ARNT2: variants seen among roughly 807,000 people sequenced by gnomAD.
ARNT2 encodes aryl hydrocarbon receptor nuclear translocator 2.
In ARNT2, 36 loss-of-function variants were observed where a neutral mutation model predicts 91.7. That is an observed-to-expected ratio of 0.39 (90% confidence interval 0.30 to 0.52). The LOEUF is 0.52. Ranked by LOEUF, ARNT2 falls within the 20% of genes least tolerant of loss-of-function variation. The pLI is 0.72. For missense variants in ARNT2, 775 were observed against 939.3 expected, an observed-to-expected ratio of 0.83 and a Z score of 2.29; for synonymous variants, 365 against 347.1, an observed-to-expected ratio of 1.05 and a Z score of -0.57.
chr15:80,432,413 T>C lies in ARNT2; in HGVS notation c.32-18467T>C, dbSNP rs577919324. Among the ~76,000 whole-genome samples the C allele has an allele frequency of 2.6e-5, 4 of 152,274 alleles. No homozygotes were observed. In the South Asian group the frequency reaches 8.3e-4, roughly 32 times the overall value. On this transcript the variant is annotated intron_variant, in intron 1 of 18. Transcript: ENST00000303329. ...GAGAATAATTTTTACATTTTTAAAT[T>C]GATGGAAAAAAAACACCAAAAGAAT...
chr15:80,593,437 T>C (rs1006960756), intron 18 of ARNT2, among the ~76,000 whole-genome samples, 163 bp from the exon 19 acceptor site: 1 of 152,202 alleles, frequency 6.6e-6, no homozygotes, highest in African/African-American at 2.4e-5. Flanking sequence ...CTCAGACATT[T>C]GAGGACCCTT....
At chr15:80,419,094 C>T (rs1895826088) in intron 1 of ARNT2, among the ~76,000 whole-genome samples, 2 of 152,096 alleles carry the variant, frequency 1.3e-5, no homozygotes, top group South Asian at 4.2e-4. Context: ...GTCTGTCTGC[C>T]ACTAGATGGC....
At chr15:80,433,233 ATTTAT>A (rs1321371343) in intron 1 of ARNT2, among the ~76,000 whole-genome samples, 7,824 of 94,926 alleles carry the variant, frequency 0.082, 580 homozygotes, top group African/African-American at 0.21. Context: ...ACTATATTTT[ATTTAT>A]TTTATTTTAT....
intron 5 of ARNT2, among the ~76,000 whole-genome samples, chr15:80,491,576 A>G (rs1897056373): frequency 6.6e-6 from 1 of 152,154 alleles, no homozygotes; most frequent in South Asian, 2.1e-4. Flanking sequence ...GAGAACCATT[A>G]TGCACTTGGA....
chr15:80,465,466 A>G (rs1415401598), intron 3 of ARNT2, among the ~76,000 whole-genome samples: 1 of 152,166 alleles, frequency 6.6e-6, no homozygotes, highest in Non-Finnish European at 1.5e-5. Flanking sequence ...TCATGGAGAA[A>G]TGTGGTCCTG....
At chr15:80,506,201 G>T (rs984295711) in intron 5 of ARNT2, among the ~76,000 whole-genome samples, 1 of 152,182 alleles carries the variant, frequency 6.6e-6, no homozygotes, top group Non-Finnish European at 1.5e-5. Context: ...CTCCCAAAGT[G>T]CTGGGATTAC....
intron 3 of ARNT2, among the ~76,000 whole-genome samples, chr15:80,466,368 G>A (rs1017071279): frequency 4.6e-5 from 7 of 152,226 alleles, no homozygotes; most frequent in African/African-American, 1.2e-4. Flanking sequence ...TCTTAGCACA[G>A]CAGAGGTGTC....
intron 17 of ARNT2, among the ~76,000 whole-genome samples, chr15:80,585,126 A>G (rs952770075): frequency 2.6e-5 from 4 of 152,278 alleles, no homozygotes; most frequent in Middle Eastern, 3.4e-3. Flanking sequence ...CATTTCTTCC[A>G]TTTCAGACCT....
intron 5 of ARNT2, among the ~76,000 whole-genome samples, chr15:80,501,391 A>G (rs192857016): frequency 3.4e-4 from 52 of 152,358 alleles, no homozygotes; most frequent in African/African-American, 1.2e-3. Flanking sequence ...CATGCATAGA[A>G]AAAGACTGAC....
chr15:80,412,992 G>T (rs1895709720), intron 1 of ARNT2, among the ~76,000 whole-genome samples: 1 of 152,224 alleles, frequency 6.6e-6, no homozygotes, highest in African/African-American at 2.4e-5. Flanking sequence ...TTGCCTGTAA[G>T]TCTGGAACTC....
At chr15:80,537,723 A>G (rs1020982981) in intron 8 of ARNT2, among the ~76,000 whole-genome samples, 1 of 152,212 alleles carries the variant, frequency 6.6e-6, no homozygotes, top group African/African-American at 2.4e-5. Context: ...TTGAAGTCCC[A>G]ACCTCCAGTA....
Position 80,583,186 on chromosome 15 carries a change from G to A in ARNT2, c.1918+1782G>A, listed in dbSNP as rs112587874. On this transcript the variant is annotated intron_variant, in intron 17 of 18. Coordinates refer to ENST00000303329, the MANE Select transcript of ARNT2 (RefSeq NM_014862.4). ...TGCAGGTGCGGCAGCCATGGTCTGCGTGGGGGCCCTTGTGGCTGCAGGCCA... is the reference window on the plus strand; with the variant it reads ...TGCAGGTGCGGCAGCCATGGTCTGCATGGGGGCCCTTGTGGCTGCAGGCCA... Among the ~76,000 whole-genome samples, 10 of 152,356 alleles carry A rather than the reference G, an allele frequency of 6.6e-5. No homozygotes were observed. The East Asian group carries it at 7.7e-4, about 12-fold the overall frequency.
At chr15:80,502,535 A>T (rs1246815791) in intron 5 of ARNT2, among the ~76,000 whole-genome samples, 1 of 152,202 alleles carries the variant, frequency 6.6e-6, no homozygotes, top group Admixed American at 6.5e-5. Flanking sequence ...GGTGGATGAC[A>T]TGAGTCTGGA....
intron 8 of ARNT2, among the ~76,000 whole-genome samples, chr15:80,520,354 A>G (rs886814194): frequency 2.6e-5 from 4 of 152,142 alleles, no homozygotes; most frequent in Non-Finnish European, 4.4e-5. Context: ...TACACTGGAT[A>G]TTTTTTATTT....
At chr15:80,555,314 A>C in intron 11 of ARNT2, 175 bp downstream of exon 11, 1 of 602,188 alleles carries the variant, frequency 1.7e-6, no homozygotes, top group Non-Finnish European at 3.0e-6. Flanking sequence ...ACAGACACAC[A>C]TCAGTAAATA....
intron 8 of ARNT2, among the ~76,000 whole-genome samples, chr15:80,528,176 A>G (rs1897670561): frequency 6.6e-6 from 1 of 152,026 alleles, no homozygotes; most frequent in Admixed American, 6.5e-5. Context: ...ACTGGGATGA[A>G]GTAGGCCACA....
chr15:80,418,792 A>G (rs1435828078), intron 1 of ARNT2, among the ~76,000 whole-genome samples: 2 of 152,242 alleles, frequency 1.3e-5, no homozygotes, highest in African/African-American at 4.8e-5. Flanking sequence ...GAGTCCCAAG[A>G]CAATCAAGTT....
chr15:80,574,112 T>A (rs2141475952), intron 12 of ARNT2, 36 bp from the exon 13 acceptor site: 1 of 1,601,436 alleles, frequency 6.2e-7, no homozygotes, highest in East Asian at 2.2e-5. Flanking sequence ...ACCCCTTCTG[T>A]TCTTCATGAC....
intron 8 of ARNT2, among the ~76,000 whole-genome samples, chr15:80,544,791 G>T (rs1004531437): frequency 6.6e-6 from 1 of 152,204 alleles, no homozygotes; most frequent in Non-Finnish European, 1.5e-5. Context: ...AACTATTTTT[G>T]TAGGAAGAAC....
Sources: gnomAD v4.1 joint callset for allele counts (sites outside exome capture counted in the v4.1 genomes callset) on GRCh38, gnomAD v4.1.1 for gene constraint, MANE v1.5 for transcripts, NCBI Gene and HGNC (gene_info 2026-07-23, HGNC 2026-07-21) for gene names.